The following KCNT2 variants were observed in gnomAD, a reference collection of about 807,000 sequenced individuals.
The protein encoded by KCNT2 is potassium sodium-activated channel subfamily T member 2.
KCNT2 carries 67 observed loss-of-function variants against 153.8 expected under a neutral mutation model. The ratio of observed to expected loss-of-function variants is 0.44; its 90% CI spans 0.36 to 0.53. The LOEUF is 0.53. KCNT2 is among the 20% of genes least tolerant of loss of function. The probability of loss-of-function intolerance (pLI) is 0.00; values close to 1 mark genes in which losing one functional copy is unlikely to be tolerated. For synonymous variants in KCNT2, 500 were observed against 458.8 expected, an observed-to-expected ratio of 1.09 and a Z score of -1.15; for missense variants, 975 against 1,354.8, an observed-to-expected ratio of 0.72 and a Z score of 4.40.
intron 1 of KCNT2, among the ~76,000 whole-genome samples, chr1:196,537,564 G>A (rs1655753685): frequency 6.6e-6 from 1 of 152,088 alleles, no homozygotes; most frequent in South Asian, 2.1e-4. Flanking sequence ...GTCTCCCCAC[G>A]CCAGGAACCT....
rs930824809 is a variant in KCNT2 at position 196,262,632 on chromosome 1, TA to T, written c.2911-4139del. On this transcript the variant is annotated intron_variant, in intron 25 of 27. Transcript: ENST00000294725. Reference sequence around the variant, plus strand: ...AGTTCACTGAAAGCTTATTTTTATTTAAAAAAAAATCTAAAGAAAGATGTTT... The same window carrying T: ...AGTTCACTGAAAGCTTATTTTTATTTAAAAAAAATCTAAAGAAAGATGTTT... 4.0e-5 allele frequency among the ~76,000 whole-genome samples: 6 copies of T among 151,396 alleles called. No homozygotes were observed. In the South Asian group the frequency reaches 6.3e-4, roughly 16 times the overall value.
At chr1:196,494,004 T>C (rs1261924702) in intron 1 of KCNT2, among the ~76,000 whole-genome samples, 4 of 152,194 alleles carry the variant, frequency 2.6e-5, no homozygotes, top group Admixed American at 6.5e-5. Flanking sequence ...ATGGCAATGA[T>C]ATCTTTTAGC....
chr1:196,355,609 C>T (rs1270113313), intron 14 of KCNT2, among the ~76,000 whole-genome samples: 3 of 151,664 alleles, frequency 2.0e-5, no homozygotes, highest in Non-Finnish European at 3.0e-5. Flanking sequence ...ATTCACTGCC[C>T]TTAACGTTGG....
intron 8 of KCNT2, among the ~76,000 whole-genome samples, chr1:196,451,249 T>C (rs1416961521): frequency 2.2e-5 from 3 of 139,328 alleles, no homozygotes; most frequent in African/African-American, 8.0e-5. Flanking sequence ...TTTTTCCTTT[T>C]TCTTTTTTTT....
At chr1:196,502,600 G>A (rs1680792894) in intron 1 of KCNT2, among the ~76,000 whole-genome samples, 1 of 152,106 alleles carries the variant, frequency 6.6e-6, no homozygotes, top group Admixed American at 6.6e-5. Flanking sequence ...TAACTGCATT[G>A]ACTCTCCTTA....
Position 196,569,464 on chromosome 1 carries a change from T to C in KCNT2, c.95+38751A>G, listed in dbSNP as rs375703750. Reference sequence around the variant, plus strand: ...TTTTCAATAAAAAATATTTAACTTTTATTGGGATTGAAATAAAGCTGTGAA... The same window carrying C: ...TTTTCAATAAAAAATATTTAACTTTCATTGGGATTGAAATAAAGCTGTGAA... On this transcript the variant is annotated intron_variant, in intron 1 of 27. Coordinates refer to ENST00000294725, the MANE Select transcript of KCNT2 (RefSeq NM_198503.5). Among the ~76,000 whole-genome samples the C allele has an allele frequency of 7.2e-5, 11 of 152,320 alleles. No homozygotes were observed. The East Asian group carries it at 7.7e-4, about 11-fold the overall frequency.
chr1:196,323,728 G>A (rs182447554), intron 19 of KCNT2, among the ~76,000 whole-genome samples: 51 of 151,740 alleles, frequency 3.4e-4, no homozygotes, highest in African/African-American at 7.2e-4. Flanking sequence ...ATTAATTGCC[G>A]TTTCGACTAA....
At chr1:196,458,009 C>T (rs890026016) in intron 8 of KCNT2, among the ~76,000 whole-genome samples, 8 of 151,922 alleles carry the variant, frequency 5.3e-5, no homozygotes, top group East Asian at 1.9e-4. Flanking sequence ...AGATAACGCA[C>T]GAGACTAAAA....
At chr1:196,306,186 T>A (rs1463212091) in intron 21 of KCNT2, among the ~76,000 whole-genome samples, 1 of 152,126 alleles carries the variant, frequency 6.6e-6, no homozygotes. Flanking sequence ...TCTGTGATAA[T>A]CACCTTTGTT....
intron 13 of KCNT2, among the ~76,000 whole-genome samples, chr1:196,398,213 T>C (rs1434872495): frequency 1.3e-5 from 2 of 151,506 alleles, no homozygotes; most frequent in African/African-American, 4.8e-5. Flanking sequence ...ATCACCCATC[T>C]ATGTGTAAAC....
chr1:196,236,798 C>G (rs1220826798), intron 26 of KCNT2, among the ~76,000 whole-genome samples: 1 of 151,490 alleles, frequency 6.6e-6, no homozygotes, highest in Non-Finnish European at 1.5e-5. Flanking sequence ...CCCTGCATTA[C>G]ATAGGACATT....
chr1:196,343,031 T>G (rs981766560), intron 14 of KCNT2: 7 of 152,136 alleles, frequency 4.6e-5, no homozygotes, highest in African/African-American at 1.7e-4. Flanking sequence ...AGTCAGCAGT[T>G]TAAAACTCAG....
At chr1:196,604,274 C>T (rs1405399178) in intron 1 of KCNT2, among the ~76,000 whole-genome samples, 1 of 152,148 alleles carries the variant, frequency 6.6e-6, no homozygotes, top group Non-Finnish European at 1.5e-5. Context: ...AACCTCTTAT[C>T]ATATCTGTGA....
At chr1:196,245,717 A>T (rs1339933890) in intron 26 of KCNT2, among the ~76,000 whole-genome samples, 1 of 152,180 alleles carries the variant, frequency 6.6e-6, no homozygotes, top group African/African-American at 2.4e-5. Flanking sequence ...GAAAAATGCA[A>T]CTGGCATAAT....
intron 5 of KCNT2, among the ~76,000 whole-genome samples, chr1:196,473,887 G>A (rs1186893051): frequency 6.6e-6 from 1 of 151,892 alleles, no homozygotes; most frequent in Non-Finnish European, 1.5e-5. Flanking sequence ...TGAAAGGCAA[G>A]CACAATGCCT....
Position 196,465,324 on chromosome 1 carries a change from T to C in KCNT2, c.607A>G (p.Ile203Val). ...AAGATAAGGCATAGTAATGTAGATA[T>C]TAAAATCAAAACTTGATTAAACATT... ...SAMFNQVLIL[I>V]STLLCLIFTC... Residue 203 changes from isoleucine (I) to valine (V), a missense_variant, in exon 8 of 28, where the codon ATA (isoleucine) becomes GTA (valine). Ile to Val is a conservative substitution (Grantham distance 29). Around this residue, in one of 6 missense-constraint regions of KCNT2, gnomAD observed 202 missense variants for 314.9 expected, o/e 0.64. Coordinates refer to ENST00000294725, the MANE Select transcript of KCNT2 (RefSeq NM_198503.5). 1.9e-6 allele frequency: 3 copies of C among 1,601,624 alleles called. No individual in the cohort carries two copies. The highest frequency in any genetic ancestry group is 2.6e-6 in the Non-Finnish European group (3 of 1,169,282).
chr1:196,427,549 A>C (rs1673762244), intron 10 of KCNT2, among the ~76,000 whole-genome samples: 3 of 152,054 alleles, frequency 2.0e-5, no homozygotes, highest in Admixed American at 2.0e-4. Flanking sequence ...ACAGAAAGAA[A>C]AGTTTCTTCT....
At chr1:196,334,756 AG>A (rs2148122689) in intron 16 of KCNT2, among the ~76,000 whole-genome samples, 1 of 152,214 alleles carries the variant, frequency 6.6e-6, no homozygotes, top group Non-Finnish European at 1.5e-5. Context: ...AGTTTCTACA[AG>A]ATGAAACCTG....
intron 1 of KCNT2, among the ~76,000 whole-genome samples, chr1:196,547,794 G>GA (rs1245410493): frequency 6.6e-6 from 1 of 150,850 alleles, no homozygotes; most frequent in Non-Finnish European, 1.5e-5. Flanking sequence ...TTTATAATTT[G>GA]AAAAAAAGCA....
Sources: allele counts gnomAD v4.1 joint callset (sites outside exome capture counted in the v4.1 genomes callset), GRCh38; gene constraint gnomAD v4.1.1; regional missense constraint gnomAD v4.1.1; transcripts MANE v1.5; gene names NCBI Gene and HGNC (gene_info 2026-07-23, HGNC 2026-07-21).